ZFAND3: variants seen among roughly 807,000 people sequenced by gnomAD.
ZFAND3 encodes AN1-type zinc finger protein 3.
ZFAND3 carries 10 observed loss-of-function variants against 29.6 expected under a neutral mutation model. The observed-to-expected ratio is 0.34, with a 90% CI of 0.21 to 0.57. The LOEUF is 0.57. Among genes scored for constraint, ZFAND3 ranks in the 20% least tolerant of loss-of-function variants. The probability of loss-of-function intolerance (pLI) is 0.86; values close to 1 mark genes in which losing one functional copy is unlikely to be tolerated. For synonymous variants in ZFAND3, 128 were observed against 112.6 expected (o/e 1.14, Z -0.87); for missense variants, 230 against 304.5 (o/e 0.76, Z 1.82).
chr6:38,020,934 A>C (rs1763338436), intron 2 of ZFAND3, among the ~76,000 whole-genome samples: 1 of 152,004 alleles, frequency 6.6e-6, no homozygotes. Context: ...AGTTACATAG[A>C]GCTGGCTTAG....
intron 5 of ZFAND3, among the ~76,000 whole-genome samples, chr6:38,121,252 T>C (rs1489690013): frequency 2.0e-5 from 3 of 152,224 alleles, no homozygotes; most frequent in Non-Finnish European, 4.4e-5. Context: ...GGTGCAACCC[T>C]GTGGTCCCAG....
intron 3 of ZFAND3, among the ~76,000 whole-genome samples, chr6:38,075,889 C>G (rs1764544484): frequency 6.6e-6 from 1 of 152,096 alleles, no homozygotes; most frequent in Non-Finnish European, 1.5e-5. Flanking sequence ...CTAGCTGAGA[C>G]TACAGGCGCC....
At chr6:37,830,095 T>G (rs1042643554) in intron 1 of ZFAND3, among the ~76,000 whole-genome samples, 2 of 152,208 alleles carry the variant, frequency 1.3e-5, no homozygotes, top group African/African-American at 4.8e-5. Flanking sequence ...ATTTTTACAT[T>G]GTGTGTGTTT....
chr6:37,977,115 A>G (rs543036124), intron 2 of ZFAND3, among the ~76,000 whole-genome samples: 4 of 152,174 alleles, frequency 2.6e-5, no homozygotes, highest in African/African-American at 4.8e-5. Context: ...ACTGTAGGCA[A>G]TTGTAACACA....
chr6:37,918,007 C>T (rs1326082209), intron 1 of ZFAND3, among the ~76,000 whole-genome samples: 4 of 152,118 alleles, frequency 2.6e-5, no homozygotes, highest in East Asian at 1.9e-4. Flanking sequence ...GATGTTCTGT[C>T]GGTATTTTTA....
At chr6:38,114,922 T>C (rs779206441) in intron 4 of ZFAND3, among the ~76,000 whole-genome samples, 5 of 152,200 alleles carry the variant, frequency 3.3e-5, no homozygotes, top group Non-Finnish European at 7.3e-5. Context: ...TTGCTTTCTT[T>C]TAGGGCATAA....
intron 2 of ZFAND3, among the ~76,000 whole-genome samples, chr6:37,936,740 TTAATG>T (rs1761705483): frequency 6.6e-6 from 1 of 152,228 alleles, no homozygotes; most frequent in African/African-American, 2.4e-5. Context: ...GATTTAAGTA[TTAATG>T]TAATTGCACA....
At chr6:37,851,740 A>C (rs573770056) in intron 1 of ZFAND3, among the ~76,000 whole-genome samples, 1 of 152,322 alleles carries the variant, frequency 6.6e-6, no homozygotes, top group East Asian at 1.9e-4. Flanking sequence ...AATTGGAAAA[A>C]AATACCTTAT....
At chr6:38,020,847 A>T (rs1369528754) in intron 2 of ZFAND3, among the ~76,000 whole-genome samples, 1 of 152,228 alleles carries the variant, frequency 6.6e-6, no homozygotes, top group Non-Finnish European at 1.5e-5. Flanking sequence ...AGCTGTCAGC[A>T]GGTTTACATA....
rs996379082 is a variant in ZFAND3, at chr6:38,153,344, C to T, written c.*955C>T. ...CAGCAGCTGGGGAAGCTGCCGCCCA[C>T]GGGCTCTGCCCCTTCCAGCTGGAGC... is the stretch of plus-strand genomic sequence containing the variant. On this transcript the variant is annotated 3_prime_UTR_variant, in exon 6 of 6. Transcript: ENST00000287218. 8.1e-6 allele frequency: 8 copies of T among 985,482 alleles called. No individual in the cohort carries two copies. Among genetic ancestry groups the T allele is most frequent in the African/African-American group, 7.0e-5 (4 of 57,358 alleles). 61.0% of individuals were successfully genotyped at this position (985,482 alleles called of 1,614,324 possible).
intron 5 of ZFAND3, among the ~76,000 whole-genome samples, chr6:38,120,262 G>C (rs535706447): frequency 1.4e-5 from 2 of 143,174 alleles, no homozygotes; most frequent in African/African-American, 5.1e-5. Flanking sequence ...CCACGTCACA[G>C]CCACAAGAAT....
chr6:38,104,882 C>T (rs554335108), intron 4 of ZFAND3, among the ~76,000 whole-genome samples: 2 of 152,216 alleles, frequency 1.3e-5, no homozygotes, highest in African/African-American at 4.8e-5. Context: ...AAGTTGTCTT[C>T]GTAATAAGGT....
intron 2 of ZFAND3, among the ~76,000 whole-genome samples, chr6:37,984,128 T>C (rs1364659767): frequency 6.6e-6 from 1 of 152,294 alleles, no homozygotes; most frequent in Admixed American, 6.5e-5. Context: ...TTTCAAGATA[T>C]AGGAAAAATA....
chr6:38,012,377 ATTT>A (rs67495073), intron 2 of ZFAND3, among the ~76,000 whole-genome samples: 19 of 123,304 alleles, frequency 1.5e-4, no homozygotes, highest in East Asian at 2.5e-4. Context: ...TTTTGATAGT[ATTT>A]TTTTTTTTTT....
At chr6:38,046,740 G>C (rs1226336907) in intron 2 of ZFAND3, among the ~76,000 whole-genome samples, 1 of 152,148 alleles carries the variant, frequency 6.6e-6, no homozygotes, top group Non-Finnish European at 1.5e-5. Context: ...TTTTGAGTCA[G>C]GGTTAGATTA....
At chr6:37,888,211 A>G (rs1233716744) in intron 1 of ZFAND3, among the ~76,000 whole-genome samples, 1 of 152,188 alleles carries the variant, frequency 6.6e-6, no homozygotes, top group Non-Finnish European at 1.5e-5. Flanking sequence ...TTTGATTAGA[A>G]AAATAAATTT....
chr6:38,129,086 G>A (rs559284596), intron 5 of ZFAND3, among the ~76,000 whole-genome samples: 23 of 152,272 alleles, frequency 1.5e-4, no homozygotes, highest in African/African-American at 5.5e-4. Flanking sequence ...CATTAATGAT[G>A]TTGAGCATTT....
chr6:37,874,960 G>T (rs1764765727), intron 1 of ZFAND3, among the ~76,000 whole-genome samples: 1 of 152,172 alleles, frequency 6.6e-6, no homozygotes, highest in Non-Finnish European at 1.5e-5. Context: ...TCAGCCCTTG[G>T]CTTATCTGAT....
intron 1 of ZFAND3, among the ~76,000 whole-genome samples, chr6:37,883,019 G>T (rs1019226465): frequency 6.6e-6 from 1 of 152,030 alleles, no homozygotes; most frequent in Admixed American, 6.6e-5. Flanking sequence ...AGGAGTTCAA[G>T]ACCAGCCTGG....
Sources: allele counts gnomAD v4.1 joint callset (sites outside exome capture counted in the v4.1 genomes callset), GRCh38; gene constraint gnomAD v4.1.1; transcripts MANE v1.5; gene names NCBI Gene and HGNC (gene_info 2026-07-23, HGNC 2026-07-21).